The following CHST9 variants were observed in gnomAD, a reference collection of about 807,000 sequenced individuals.
CHST9 encodes the protein carbohydrate sulfotransferase 9.
In CHST9, 41 loss-of-function variants were observed where a neutral mutation model predicts 44.4. The ratio of observed to expected loss-of-function variants is 0.92; its 90% CI spans 0.72 to 1.20. The LOEUF is 1.20. CHST9 is among the 50% of genes most tolerant of loss of function. The pLI, the probability that CHST9 is intolerant of heterozygous loss-of-function variation, is 0.00. For synonymous variants in CHST9, 171 were observed against 178.4 expected (o/e 0.96, Z 0.33); for missense variants, 504 against 516.5 (o/e 0.98, Z 0.23).
chr18:27,093,151 C>A (rs1440334749), intron 2 of CHST9, among the ~76,000 whole-genome samples: 3 of 152,190 alleles, frequency 2.0e-5, no homozygotes, highest in Admixed American at 2.0e-4. Flanking sequence ...GTCCATCAGC[C>A]CCTACTGGGA....
intron 4 of CHST9, among the ~76,000 whole-genome samples, chr18:26,988,407 C>T (rs1381606847): frequency 6.6e-6 from 1 of 151,990 alleles, no homozygotes; most frequent in African/African-American, 2.4e-5. Flanking sequence ...TATATTGAGC[C>T]AGGCAAAGTA....
chr18:27,016,324 C>T (rs1351651404), intron 4 of CHST9, among the ~76,000 whole-genome samples: 2 of 152,206 alleles, frequency 1.3e-5, no homozygotes, highest in East Asian at 1.9e-4. Flanking sequence ...TGGCCTAGAA[C>T]ACGTGGCTTT....
chr18:27,009,925 A>G (rs1441702740), intron 4 of CHST9, among the ~76,000 whole-genome samples: 1 of 152,186 alleles, frequency 6.6e-6, no homozygotes, highest in Admixed American at 6.5e-5. Context: ...TGAGCCTTGG[A>G]GGTAAAACCA....
At chr18:27,130,035 T>C (rs2058458319) in intron 2 of CHST9, among the ~76,000 whole-genome samples, 1 of 152,122 alleles carries the variant, frequency 6.6e-6, no homozygotes. Flanking sequence ...AAAATCAGCA[T>C]GGAAAAACAA....
At chr18:27,178,422 A>C (rs2058885309) in intron 1 of CHST9, among the ~76,000 whole-genome samples, 1 of 152,044 alleles carries the variant, frequency 6.6e-6, no homozygotes, top group African/African-American at 2.4e-5. Context: ...TCTAAGAAAA[A>C]ATATCTCACA....
At chr18:26,991,493 A>G (rs1233386926) in intron 4 of CHST9, among the ~76,000 whole-genome samples, 1 of 139,048 alleles carries the variant, frequency 7.2e-6, no homozygotes, top group Non-Finnish European at 1.6e-5. Context: ...TTGGATATAT[A>G]AAGCTGGGAT....
intron 4 of CHST9, among the ~76,000 whole-genome samples, chr18:26,966,179 CT>C (rs373492224): frequency 5.3e-4 from 80 of 152,282 alleles, no homozygotes; most frequent in African/African-American, 1.9e-3. Context: ...ATCTTGACAA[CT>C]TTTAATGATT....
intron 4 of CHST9, among the ~76,000 whole-genome samples, chr18:26,962,539 C>A (rs1170460758): frequency 6.6e-6 from 1 of 152,198 alleles, no homozygotes; most frequent in Non-Finnish European, 1.5e-5. Flanking sequence ...GATCCACCCA[C>A]CTCAGCTTCC....
rs189605878 is a variant in CHST9, at chr18:26,908,156, T to C, written c.*8103A>G. 2.4e-3 allele frequency: 371 copies of C among 152,704 alleles called. No homozygotes were observed. The highest frequency in any genetic ancestry group is 7.0e-3 in the South Asian group (34 of 4,838). The allele number at this position is 152,704 out of a possible 1,614,324, so 9.5% of individuals were successfully genotyped here. A position where few individuals can be genotyped will look rare whatever the true frequency, so the allele number is the denominator to read the frequency against. ...AATGGTGGCAAGGCATGGTGGCTCA[T>C]GCCTGTAATCCCAGCACTTTGGGAG... On this transcript the variant is annotated 3_prime_UTR_variant, in exon 6 of 6. Transcript: ENST00000618847.
intron 4 of CHST9, among the ~76,000 whole-genome samples, chr18:27,014,907 A>T (rs749476690): frequency 6.6e-6 from 1 of 150,756 alleles, no homozygotes; most frequent in Admixed American, 6.6e-5. Flanking sequence ...TCTCTTTTCT[A>T]TTGTCTCTTT....
intron 2 of CHST9, among the ~76,000 whole-genome samples, chr18:27,109,742 G>A (rs919140): frequency 1.3e-5 from 2 of 151,944 alleles, no homozygotes; most frequent in African/African-American, 4.8e-5. Context: ...GGGGCTCCTG[G>A]TGAATTATAA....
chr18:27,129,007 A>G (rs2058449249), intron 2 of CHST9, among the ~76,000 whole-genome samples: 1 of 152,188 alleles, frequency 6.6e-6, no homozygotes, highest in African/African-American at 2.4e-5. Context: ...TCAGTAGGGA[A>G]GGAGGCAGGC....
intron 2 of CHST9, among the ~76,000 whole-genome samples, chr18:27,133,557 C>T (rs2058489686): frequency 6.6e-6 from 1 of 152,146 alleles, no homozygotes; most frequent in Non-Finnish European, 1.5e-5. Flanking sequence ...GAAGCAGGGG[C>T]AGCTGTGGGA....
chr18:27,068,159 T>C (rs976954156), intron 2 of CHST9, among the ~76,000 whole-genome samples: 1 of 152,172 alleles, frequency 6.6e-6, no homozygotes, highest in African/African-American at 2.4e-5. Flanking sequence ...TAAAGAGAGA[T>C]AGAGTAATTT....
intron 2 of CHST9, among the ~76,000 whole-genome samples, chr18:27,057,138 A>G (rs141820055): frequency 0.012 from 1,796 of 152,350 alleles, 22 homozygotes; most frequent in Non-Finnish European, 0.017. Flanking sequence ...GTTCTCTTCC[A>G]CAATTGGTAG....
At chr18:27,012,633 G>A (rs1598638426) in intron 4 of CHST9, among the ~76,000 whole-genome samples, 1 of 152,074 alleles carries the variant, frequency 6.6e-6, no homozygotes, top group East Asian at 1.9e-4. Flanking sequence ...ACTTTGGCAT[G>A]GAAATGGAAA....
At chr18:26,953,390 C>T (rs1038396148) in intron 4 of CHST9, among the ~76,000 whole-genome samples, 6 of 151,880 alleles carry the variant, frequency 4.0e-5, no homozygotes, top group South Asian at 2.1e-4. Flanking sequence ...ATGTTTAAAG[C>T]GATAGACAAT....
At chr18:27,021,021 G>C (rs2057220167) in intron 4 of CHST9, among the ~76,000 whole-genome samples, 1 of 152,130 alleles carries the variant, frequency 6.6e-6, no homozygotes. Flanking sequence ...ATGCAGTCTG[G>C]CTCCTTTTTA....
intron 4 of CHST9, among the ~76,000 whole-genome samples, chr18:26,965,932 T>C (rs553676613): frequency 3.4e-4 from 51 of 152,218 alleles, no homozygotes; most frequent in Non-Finnish European, 6.9e-4. Context: ...TTTGGAACCC[T>C]GACTACCATC....
Sources: gnomAD v4.1 joint callset for allele counts (sites outside exome capture counted in the v4.1 genomes callset) on GRCh38, gnomAD v4.1.1 for gene constraint, MANE v1.5 for transcripts, NCBI Gene and HGNC (gene_info 2026-07-23, HGNC 2026-07-21) for gene names.